BFSP2: variants seen among roughly 807,000 people sequenced by gnomAD.
BFSP2 encodes the protein phakinin.
A neutral mutation model predicts 44.9 loss-of-function variants in BFSP2; 38 were observed. The ratio of observed to expected loss-of-function variants is 0.85; its 90% CI spans 0.65 to 1.11. The LOEUF (loss-of-function observed/expected upper bound fraction) is 1.11, where lower values mean the gene tolerates loss of function less well. BFSP2 is among the 50% of genes least tolerant of loss of function. BFSP2 has a pLI of 0.00. For synonymous variants in BFSP2, 197 were observed against 209.9 expected, an observed-to-expected ratio of 0.94 and a Z score of 0.53; for missense variants, 525 against 533.0, an observed-to-expected ratio of 0.99 and a Z score of 0.15.
At position 133,466,819 on chromosome 3, in the gene BFSP2, T is replaced by C. The variant is rs187831265; in HGVS notation, c.892-9T>C. The stretch of plus-strand genomic sequence containing the variant: ...ATCACCGCTCACACTGAGACCTGAC[T>C]CTCCACAGCAACAGGCGGAGGTGGC... On this transcript the variant is annotated splice_polypyrimidine_tract_variant and intron_variant, in intron 4 of 6. Transcript: ENST00000302334. 7 of 1,610,278 alleles carry C rather than the reference T, an allele frequency of 4.3e-6. No individual in the cohort carries two copies. In the East Asian group the frequency reaches 1.6e-4, roughly 36 times the overall value.
At chr3:133,440,276 G>T (rs1042112790) in intron 1 of BFSP2, among the ~76,000 whole-genome samples, 3 of 152,142 alleles carry the variant, frequency 2.0e-5, no homozygotes, top group African/African-American at 7.2e-5. Context: ...CACAACACGT[G>T]GGGATTATGG....
In BFSP2 at chr3:133,403,572, G is replaced by A. The variant is rs1019753012; in HGVS notation, c.489+3000G>A. ...CCTCAGTCACTCAATAGCACGGTGG[G>A]GATGTCCATTTTGGTGGCACTTTCT... On this transcript the variant is annotated intron_variant, in intron 1 of 6. Coordinates refer to ENST00000302334, the MANE Select transcript of BFSP2 (RefSeq NM_003571.4). 3.3e-5 allele frequency among the ~76,000 whole-genome samples: 5 copies of A among 152,302 alleles called. No homozygotes were observed. The South Asian group carries it at 1.0e-3, about 32-fold the overall frequency.
chr3:133,430,193 G>A (rs2073698274), intron 1 of BFSP2, among the ~76,000 whole-genome samples: 1 of 152,016 alleles, frequency 6.6e-6, no homozygotes, highest in Non-Finnish European at 1.5e-5. Flanking sequence ...CTTTGCTATT[G>A]TGAATAGTGC....
At chr3:133,454,427 C>T (rs1463690490) in intron 4 of BFSP2, among the ~76,000 whole-genome samples, 2 of 152,158 alleles carry the variant, frequency 1.3e-5, no homozygotes, top group African/African-American at 2.4e-5. Context: ...CTCCAAACAC[C>T]AACTGAGTGT....
At chr3:133,407,681 GATGAGAAAACC>G (rs2107877695) in intron 1 of BFSP2, among the ~76,000 whole-genome samples, 2 of 152,252 alleles carry the variant, frequency 1.3e-5, no homozygotes, top group East Asian at 3.9e-4. Context: ...GCACAAAAAA[GATGAGAAAACC>G]ATGGAACAGA....
Position 133,466,910 on chromosome 3 carries a change from C to G in BFSP2, c.974C>G (p.Ser325Trp). 1 of 1,614,066 alleles carries G rather than the reference C, an allele frequency of 6.2e-7. No homozygotes were observed. The highest frequency in any genetic ancestry group is 8.5e-7 in the Non-Finnish European group (1 of 1,179,990). The part of the protein sequence containing the change: ...AALRVELHNT[S>W]CQVQSLQAET... Reference sequence around the variant, plus strand: ...CTCAGGGTGGAGTTACACAACACTTCGTGCCAAGTCCAGAGCCTCCAGGCT... The same window carrying G: ...CTCAGGGTGGAGTTACACAACACTTGGTGCCAAGTCCAGAGCCTCCAGGCT... The change falls in exon 5 of 7, where the codon TCG becomes TGG. Residue 325 changes from serine (S) to tryptophan (W), a missense_variant. By Grantham distance (177) the Ser-to-Trp change is radical. Transcript: ENST00000302334.
At chr3:133,411,730 A>G (rs2073456115) in intron 1 of BFSP2, among the ~76,000 whole-genome samples, 1 of 152,024 alleles carries the variant, frequency 6.6e-6, no homozygotes. Flanking sequence ...ACAACTAGAC[A>G]GTCATAAGGA....
intron 4 of BFSP2, among the ~76,000 whole-genome samples, chr3:133,457,062 G>C (rs2074018948): frequency 6.6e-6 from 1 of 152,178 alleles, no homozygotes; most frequent in African/African-American, 2.4e-5. Context: ...CTGCCACTCT[G>C]ACTCTAGACT....
chr3:133,431,376 C>G (rs1425554360), intron 1 of BFSP2, among the ~76,000 whole-genome samples: 1 of 152,178 alleles, frequency 6.6e-6, no homozygotes, highest in Non-Finnish European at 1.5e-5. Flanking sequence ...GGCGTTCCTC[C>G]AGAACCTCCT....
intron 4 of BFSP2, among the ~76,000 whole-genome samples, chr3:133,461,898 G>C (rs1006087546): frequency 6.6e-6 from 1 of 152,232 alleles, no homozygotes; most frequent in Non-Finnish European, 1.5e-5. Flanking sequence ...TCCACAAAGA[G>C]AAAGCAGGCC....
rs111344230 is a variant in BFSP2, at chr3:133,405,982, G to A, written c.489+5410G>A. Among the ~76,000 whole-genome samples, 1,352 of 152,118 alleles carry A rather than the reference G, an allele frequency of 8.9e-3. 19 individuals are homozygous for A. Among genetic ancestry groups the A allele is most frequent in the African/African-American group, 0.031 (1,277 of 41,484 alleles). On this transcript the variant is annotated intron_variant, in intron 1 of 6. Coordinates refer to ENST00000302334, the MANE Select transcript of BFSP2 (RefSeq NM_003571.4). Reference sequence around the variant, plus strand: ...TTTTTATTTATTTATTTTTTGATATGGAGTCTCACTCTGTTGCCCAGGTTG... The same window carrying A: ...TTTTTATTTATTTATTTTTTGATATAGAGTCTCACTCTGTTGCCCAGGTTG...
intron 1 of BFSP2, among the ~76,000 whole-genome samples, chr3:133,417,422 C>T (rs2073548306): frequency 1.7e-5 from 2 of 115,744 alleles, no homozygotes; most frequent in African/African-American, 3.4e-5. Flanking sequence ...TCACCCCACC[C>T]TCTCCCTTCT....
chr3:133,448,416 T>C, intron 2 of BFSP2, 73 bp from the exon 3 acceptor site: 3 of 1,575,782 alleles, frequency 1.9e-6, no homozygotes, highest in Non-Finnish European at 2.6e-6. Context: ...ATTGGCCTGT[T>C]GGTAACATTT....
At position 133,450,418 on chromosome 3, in the gene BFSP2, A is replaced by T; in HGVS notation, c.845A>T (p.Asp282Val). ...LETIRIQWER[D>V]VEKNRVEAGA... Reference sequence around the variant, plus strand: ...ACGATCAGAATTCAGTGGGAGAGAGATGTTGAAAAGAACCGGGTGGAGGCA... The same window carrying T: ...ACGATCAGAATTCAGTGGGAGAGAGTTGTTGAAAAGAACCGGGTGGAGGCA... Residue 282 changes from aspartate to valine, a missense_variant, in exon 4 of 7, where the codon GAT becomes GTT. Asp to Val is a radical substitution (Grantham distance 152). Coordinates refer to ENST00000302334, the MANE Select transcript of BFSP2 (RefSeq NM_003571.4). 1 of 1,614,114 alleles carries T rather than the reference A, an allele frequency of 6.2e-7. No individual in the cohort carries two copies. The highest frequency in any genetic ancestry group is 8.5e-7 in the Non-Finnish European group (1 of 1,179,986).
chr3:133,435,615 T>G (rs2073773191), intron 1 of BFSP2, among the ~76,000 whole-genome samples: 2 of 152,236 alleles, frequency 1.3e-5, no homozygotes, highest in East Asian at 1.9e-4. Context: ...GAAAGTTCGC[T>G]TAACTTTAAT....
chr3:133,458,267 A>G (rs1471458030), intron 4 of BFSP2, among the ~76,000 whole-genome samples: 1 of 152,250 alleles, frequency 6.6e-6, no homozygotes, highest in Non-Finnish European at 1.5e-5. Flanking sequence ...CTATAGTAGC[A>G]TATACCAGTT....
chr3:133,474,096 T>C (rs1208835505), intron 6 of BFSP2, among the ~76,000 whole-genome samples: 2 of 152,188 alleles, frequency 1.3e-5, no homozygotes, highest in Non-Finnish European at 2.9e-5. Context: ...ACTCTTTTTT[T>C]AATAGATAAG....
chr3:133,403,236 G>T (rs1443526495), intron 1 of BFSP2, among the ~76,000 whole-genome samples: 1 of 151,944 alleles, frequency 6.6e-6, no homozygotes, highest in Non-Finnish European at 1.5e-5. Flanking sequence ...CTCTCCCTCT[G>T]CCCTCACTTA....
At chr3:133,465,198 G>T (rs768416161) in intron 4 of BFSP2, among the ~76,000 whole-genome samples, 1 of 151,774 alleles carries the variant, frequency 6.6e-6, no homozygotes, top group Non-Finnish European at 1.5e-5. Flanking sequence ...GTAGAGACGG[G>T]TTTTCACCAT....
Sources: gnomAD v4.1 joint callset for allele counts (sites outside exome capture counted in the v4.1 genomes callset) on GRCh38, gnomAD v4.1.1 for gene constraint, MANE v1.5 for transcripts, NCBI Gene and HGNC (gene_info 2026-07-23, HGNC 2026-07-21) for gene names.